ZNF362: variants seen among roughly 807,000 people sequenced by gnomAD.
The protein encoded by ZNF362 is zinc finger protein 362, also known as rotund homolog.
In ZNF362, 11 loss-of-function variants were observed where a neutral mutation model predicts 42.9. That is an observed-to-expected ratio of 0.26 (90% CI 0.16 to 0.42). ZNF362 has a LOEUF of 0.42. ZNF362 is among the 20% of genes least tolerant of loss of function. ZNF362 has a pLI of 1.00. For synonymous variants in ZNF362, 255 were observed against 257.3 expected (o/e 0.99, Z 0.09); for missense variants, 362 against 576.2 (o/e 0.63, Z 3.81).
chr1:33,298,430 C>G (rs1646140133), intron 8 of ZNF362, among the ~76,000 whole-genome samples: 1 of 152,200 alleles, frequency 6.6e-6, no homozygotes, highest in South Asian at 2.1e-4. Context: ...TGATCTTTGT[C>G]ACCACAGCAA....
chr1:33,253,996 A>G (rs1004385190), upstream of ZNF362, among the ~76,000 whole-genome samples: 2 of 152,174 alleles, frequency 1.3e-5, no homozygotes, highest in East Asian at 3.8e-4. Context: ...GTAATACCTT[A>G]TGTTACTATT....
intron 1 of ZNF362, among the ~76,000 whole-genome samples, chr1:33,259,027 T>G (rs1015992673): frequency 2.0e-5 from 3 of 152,104 alleles, no homozygotes; most frequent in African/African-American, 7.2e-5. Context: ...CCAGTGACTG[T>G]GTAAACATCC....
the ZNF362 span, among the ~76,000 whole-genome samples, chr1:33,176,047 T>C: frequency 1.3e-5 from 2 of 152,200 alleles, no homozygotes; most frequent in African/African-American, 4.8e-5. Flanking sequence ...AGCTCTGAGT[T>C]TGACCCACAG....
chr1:33,240,666 GTTC>G, the ZNF362 span, among the ~76,000 whole-genome samples: 1 of 151,972 alleles, frequency 6.6e-6, no homozygotes, highest in African/African-American at 2.4e-5. Context: ...ATTCATTTTG[GTTC>G]TTCTTGTTCA....
chr1:33,151,773 G>C, the ZNF362 span, among the ~76,000 whole-genome samples: 1 of 152,220 alleles, frequency 6.6e-6, no homozygotes, highest in Non-Finnish European at 1.5e-5. Flanking sequence ...CATTCAGGAA[G>C]GATCATGGAC....
chr1:33,267,712 T>C (rs1049450407), intron 1 of ZNF362, among the ~76,000 whole-genome samples: 1 of 152,220 alleles, frequency 6.6e-6, no homozygotes, highest in Non-Finnish European at 1.5e-5. Flanking sequence ...TTAGCTGTTA[T>C]TAACGACCAT....
At chr1:33,149,872 T>C in the ZNF362 span, among the ~76,000 whole-genome samples, 1 of 152,222 alleles carries the variant, frequency 6.6e-6, no homozygotes, top group Admixed American at 6.5e-5. Context: ...TACTGTCTAA[T>C]GGGGCTCTCC....
intron 1 of ZNF362, among the ~76,000 whole-genome samples, chr1:33,257,915 C>T (rs1368302866): frequency 6.6e-6 from 1 of 152,108 alleles, no homozygotes; most frequent in Non-Finnish European, 1.5e-5. Context: ...GAGCTTGGCC[C>T]TTTGCAGTTG....
the ZNF362 span, among the ~76,000 whole-genome samples, chr1:33,169,020 C>T: frequency 4.1e-5 from 6 of 144,646 alleles, no homozygotes; most frequent in African/African-American, 7.7e-5. Context: ...TCCTGGATCC[C>T]GGGAGAATCA....
the ZNF362 span, chr1:33,176,626 G>A: frequency 2.0e-6 from 1 of 507,224 alleles, no homozygotes; most frequent in East Asian, 3.0e-5. Flanking sequence ...GCGTCAGCTG[G>A]CACAGATGGC....
the ZNF362 span, chr1:33,147,026 C>T: frequency 2.6e-6 from 2 of 755,722 alleles, no homozygotes. The surrounding 1 kb of genome is among the most constrained non-coding windows in gnomAD (Gnocchi z 8.1). Context: ...GGAATGCAAC[C>T]TCCATTTTAC....
At chr1:33,251,912 C>G (rs907199873), upstream of ZNF362, among the ~76,000 whole-genome samples, 4 of 152,230 alleles carry the variant, frequency 2.6e-5, no homozygotes, top group African/African-American at 7.2e-5. Context: ...CATGTCCAGT[C>G]TATTCTCTTT....
At chr1:33,208,080 G>A in the ZNF362 span, among the ~76,000 whole-genome samples, 29 of 152,096 alleles carry the variant, frequency 1.9e-4, no homozygotes, top group Admixed American at 1.1e-3. Context: ...ATGGTTTTAC[G>A]TCTTTAATCC....
the ZNF362 span, among the ~76,000 whole-genome samples, chr1:33,216,416 A>G: frequency 6.7e-6 from 1 of 148,802 alleles, no homozygotes; most frequent in East Asian, 2.0e-4. Context: ...ACTGACCAAC[A>G]TGGTGAAACC....
At chr1:33,171,068 A>G in the ZNF362 span, among the ~76,000 whole-genome samples, 1 of 152,140 alleles carries the variant, frequency 6.6e-6, no homozygotes, top group African/African-American at 2.4e-5. Flanking sequence ...TGCAGGGACC[A>G]TCTGGTCCAA....
chr1:33,139,609 T>C, the ZNF362 span, among the ~76,000 whole-genome samples: 1 of 152,244 alleles, frequency 6.6e-6, no homozygotes, highest in Non-Finnish European at 1.5e-5. Context: ...GCCAAAAATA[T>C]GCTTATCATT....
the ZNF362 span, among the ~76,000 whole-genome samples, chr1:33,159,209 G>A: frequency 1.3e-5 from 2 of 152,040 alleles, no homozygotes; most frequent in Non-Finnish European, 2.9e-5. The surrounding 1 kb of genome is among the most constrained non-coding windows in gnomAD (Gnocchi z 4.2). Context: ...AAGGGACTGA[G>A]AGGGTTACAG....
At chr1:33,181,431 A>G in the ZNF362 span, 1 of 1,593,862 alleles carries the variant, frequency 6.3e-7, no homozygotes, top group South Asian at 1.1e-5. This position sits in a 1 kb window ranked among gnomAD's most constrained non-coding sequence, Gnocchi z 6.5. Context: ...GCTGCACGCC[A>G]TGGCGCCAGG....
intron 2 of ZNF362, among the ~76,000 whole-genome samples, chr1:33,274,162 C>CG (rs1645925567): frequency 6.6e-6 from 1 of 152,146 alleles, no homozygotes; most frequent in Admixed American, 6.5e-5. Flanking sequence ...TATTCACAAG[C>CG]CTGTGGTCAG....
Sources: allele counts gnomAD v4.1 joint callset (sites outside exome capture counted in the v4.1 genomes callset), GRCh38; gene constraint gnomAD v4.1.1; non-coding constraint Gnocchi (gnomAD v3.1); transcripts MANE v1.5; gene names NCBI Gene and HGNC (gene_info 2026-07-23, HGNC 2026-07-21).